The following SPATA9 variants were observed in gnomAD, a reference collection of about 807,000 sequenced individuals.
SPATA9 encodes the protein spermatogenesis-associated protein 9.
SPATA9 carries 27 observed loss-of-function variants against 25.5 expected under a neutral mutation model. The observed-to-expected ratio is 1.06, with a 90% CI of 0.78 to 1.46. The LOEUF (loss-of-function observed/expected upper bound fraction) is 1.46. Among genes scored for constraint, SPATA9 ranks in the 40% most tolerant of loss-of-function variants. The pLI is 0.00. For synonymous variants in SPATA9, 102 were observed against 105.7 expected, an observed-to-expected ratio of 0.97 and a Z score of 0.21; for missense variants, 282 against 297.5, an observed-to-expected ratio of 0.95 and a Z score of 0.38.
At chr5:95,692,449 T>A (rs1194822622) in intron 1 of SPATA9, among the ~76,000 whole-genome samples, 1 of 152,100 alleles carries the variant, frequency 6.6e-6, no homozygotes, top group African/African-American at 2.4e-5. Context: ...CATGCAAAAA[T>A]TTCAAATATG....
At chr5:95,652,378 T>A (rs1750393337), downstream of SPATA9, 1 of 1,541,660 alleles carries the variant, frequency 6.5e-7, no homozygotes, top group Non-Finnish European at 8.8e-7. Context: ...AGTTTTTCTC[T>A]CTAGAAATTC....
chr5:95,721,654 G>A, the SPATA9 span, among the ~76,000 whole-genome samples: 1 of 148,732 alleles, frequency 6.7e-6, no homozygotes. Context: ...AAATATTTAA[G>A]GAGCTCTAAA....
the SPATA9 span, among the ~76,000 whole-genome samples, chr5:95,723,028 A>C: frequency 6.6e-6 from 1 of 152,200 alleles, no homozygotes; most frequent in African/African-American, 2.4e-5. Flanking sequence ...CAAACAAAGA[A>C]ACAAACATAG....
chr5:95,682,491 TTTTC>T (rs1407409683), intron 2 of SPATA9, 33 bp downstream of exon 2: 1 of 1,379,246 alleles, frequency 7.3e-7, no homozygotes, highest in African/African-American at 1.4e-5. Flanking sequence ...AGAATATATT[TTTTC>T]TATTCCTTTT....
chr5:95,709,691 C>A, the SPATA9 span, among the ~76,000 whole-genome samples: 1 of 152,168 alleles, frequency 6.6e-6, no homozygotes, highest in Non-Finnish European at 1.5e-5. Context: ...GTAGCAAATG[C>A]TTCAGTCCAT....
At chr5:95,693,034 T>C (rs1369880133) in intron 1 of SPATA9, among the ~76,000 whole-genome samples, 1 of 152,248 alleles carries the variant, frequency 6.6e-6, no homozygotes, top group East Asian at 1.9e-4. Flanking sequence ...CTTCCACAAA[T>C]TGTATTTTCA....
intron 4 of SPATA9, among the ~76,000 whole-genome samples, chr5:95,662,431 AT>A (rs1376367251): frequency 6.6e-6 from 1 of 152,154 alleles, no homozygotes; most frequent in Non-Finnish European, 1.5e-5. Context: ...GCTTTTATTT[AT>A]TTTAAGACTG....
At position 95,658,636 on chromosome 5, in the gene SPATA9, T is replaced by C; in HGVS notation, c.752A>G (p.Asn251Ser). 6.2e-7 allele frequency: 1 copy of C among 1,612,814 alleles called. No individual in the cohort carries two copies. Among genetic ancestry groups the C allele is most frequent in the Non-Finnish European group, 8.5e-7 (1 of 1,179,448 alleles). ...HSVFDQSAEM[N>S]EQI ...TGATACCTGTATTCAGATTTGCTCA[T>C]TCATTTCAGCTGATTGGTCAAACAC... Residue 251 changes from asparagine to serine, a missense_variant, in exon 5 of 5, where the codon AAT (asparagine) becomes AGT (serine). Coordinates refer to ENST00000274432, the MANE Select transcript of SPATA9 (RefSeq NM_031952.4).
At chr5:95,691,569 T>C (rs1334992162) in intron 1 of SPATA9, among the ~76,000 whole-genome samples, 1 of 152,224 alleles carries the variant, frequency 6.6e-6, no homozygotes, top group Non-Finnish European at 1.5e-5. Flanking sequence ...GTAGTGTTTT[T>C]TTCCTTATGC....
At chr5:95,679,393 A>G (rs11959236) in intron 2 of SPATA9, among the ~76,000 whole-genome samples, 2,495 of 152,282 alleles carry the variant, frequency 0.016, 69 homozygotes, top group African/African-American at 0.057. Flanking sequence ...AAAAGACTTT[A>G]TACCAAGGCT....
At chr5:95,661,633 A>T (rs1231637343) in intron 4 of SPATA9, among the ~76,000 whole-genome samples, 1 of 152,200 alleles carries the variant, frequency 6.6e-6, no homozygotes, top group Non-Finnish European at 1.5e-5. Flanking sequence ...CCAATTTTGT[A>T]TAAGATTCAC....
the SPATA9 span, among the ~76,000 whole-genome samples, chr5:95,709,504 T>C: frequency 1.3e-3 from 204 of 152,262 alleles, 2 homozygotes; most frequent in African/African-American, 4.4e-3. Context: ...CCCAGAGCTC[T>C]GGGGTCAATA....
intron 4 of SPATA9, among the ~76,000 whole-genome samples, chr5:95,660,669 A>G (rs1415313782): frequency 6.6e-6 from 1 of 152,060 alleles, no homozygotes; most frequent in Non-Finnish European, 1.5e-5. Flanking sequence ...GTTCTATCCT[A>G]TTTGAAACAT....
the SPATA9 span, chr5:95,713,558 C>G: frequency 2.6e-5 from 4 of 152,088 alleles, no homozygotes; most frequent in Non-Finnish European, 5.9e-5. Context: ...TGAGGCCTCC[C>G]CAGAAGCAGA....
intron 3 of SPATA9, among the ~76,000 whole-genome samples, chr5:95,669,972 G>A (rs1752213245): frequency 6.6e-6 from 1 of 152,090 alleles, no homozygotes; most frequent in African/African-American, 2.4e-5. Context: ...CATCCATAGA[G>A]CCAAGTACAA....
At chr5:95,730,748 C>A in the SPATA9 span, 1 of 320,922 alleles carries the variant, frequency 3.1e-6, no homozygotes, top group South Asian at 2.3e-5. Context: ...AGTAAATAAT[C>A]CCCCCAAGGC....
At chr5:95,705,931 C>T in the SPATA9 span, among the ~76,000 whole-genome samples, 1 of 152,164 alleles carries the variant, frequency 6.6e-6, no homozygotes, top group Non-Finnish European at 1.5e-5. Context: ...ATTTAGCTAT[C>T]TCCTTACTTT....
chr5:95,716,398 C>A, the SPATA9 span, among the ~76,000 whole-genome samples: 2 of 152,254 alleles, frequency 1.3e-5, no homozygotes, highest in African/African-American at 4.8e-5. Flanking sequence ...TGATTTTAGA[C>A]TTTTAAGATT....
the SPATA9 span, among the ~76,000 whole-genome samples, chr5:95,729,876 T>C: frequency 6.6e-6 from 1 of 152,226 alleles, no homozygotes; most frequent in Non-Finnish European, 1.5e-5. Flanking sequence ...TAATCATCCA[T>C]TACATGTGTA....
Sources: allele counts gnomAD v4.1 joint callset (sites outside exome capture counted in the v4.1 genomes callset), GRCh38; gene constraint gnomAD v4.1.1; transcripts MANE v1.5; gene names NCBI Gene and HGNC (gene_info 2026-07-23, HGNC 2026-07-21).